The following BRAT1 variants were observed in gnomAD, a reference collection of about 807,000 sequenced individuals.
BRAT1 encodes BRCA1 associated ATM activator 1, also known as integrator complex assembly factor BRAT1.
BRAT1 carries 74 observed loss-of-function variants against 70.6 expected under a neutral mutation model. The ratio of observed to expected loss-of-function variants is 1.05; its 90% confidence interval spans 0.87 to 1.27. The LOEUF (loss-of-function observed/expected upper bound fraction) is 1.27, where lower values mean the gene tolerates loss of function less well. Among genes scored for constraint, BRAT1 ranks in the 50% most tolerant of loss-of-function variants. BRAT1 has a pLI of 0.00. For missense variants in BRAT1, 1,203 were observed against 1,098.2 expected (o/e 1.10, Z -1.35); for synonymous variants, 615 against 517.1 (o/e 1.19, Z -2.57).
intron 4 of BRAT1, 136 bp downstream of exon 4, chr7:2,544,773 G>A (rs1454043653): frequency 1.9e-5 from 25 of 1,339,382 alleles, no homozygotes; most frequent in Middle Eastern, 2.7e-4. Flanking sequence ...CTGGACAGCC[G>A]TACTGTCACA....
In BRAT1 at chr7:2,545,040, G is replaced by C; in HGVS notation, c.299C>G (p.Pro100Arg). The change falls in exon 4 of 14, where the codon CCA (proline) becomes CGA (arginine). Residue 100 changes from proline (P) to arginine (R), a missense_variant. Coordinates refer to ENST00000340611, the MANE Select transcript of BRAT1 (RefSeq NM_152743.4). ...GGGTCCTGGCTCCCCAAAGAGCCCT[G>C]GTAGTAACTCCCCCTGCTGGGAAGC... ...FQYLQQGELLPGLFGEPGPLG... is the reference protein window; with the variant it reads ...FQYLQQGELLRGLFGEPGPLG... 6.6e-7 allele frequency: 1 copy of C among 1,509,544 alleles called. No homozygotes were observed. Among genetic ancestry groups the C allele is most frequent in the South Asian group, 1.3e-5 (1 of 77,348 alleles). 93.5% of individuals were successfully genotyped at this position (1,509,544 alleles called of 1,614,324 possible).
Position 2,539,184 on chromosome 7 carries a change from G to T in BRAT1, c.1765C>A (p.Arg589=), listed in dbSNP as rs141490198. The stretch of plus-strand genomic sequence containing the variant: ...AGGAACCTGCCACCTCCTACCTGCC[G>T]GGCCTCTGCATGCTCAGGGCTGGTG... ...APTSPEHAEA[R]QSLFLELLHI... Residue 589 remains arginine, a synonymous_variant, in exon 13 of 14, where the codon CGG becomes AGG. Transcript: ENST00000340611. 3 of 1,597,588 alleles carry T rather than the reference G, an allele frequency of 1.9e-6. No individual in the cohort carries two copies. The highest frequency in any genetic ancestry group is 2.6e-6 in the Non-Finnish European group (3 of 1,170,292).
In BRAT1 at chr7:2,543,370, C is replaced by A; in HGVS notation, c.804-47G>T. 2 of 1,533,494 alleles carry A rather than the reference C, an allele frequency of 1.3e-6. No homozygotes were observed. Among genetic ancestry groups the A allele is most frequent in the Non-Finnish European group, 8.8e-7 (1 of 1,138,898 alleles). 95.0% of individuals were successfully genotyped at this position (1,533,494 alleles called of 1,614,324 possible). A position where few individuals can be genotyped will look rare whatever the true frequency, so the allele number is the denominator to read the frequency against. On this transcript the variant is annotated intron_variant, in intron 5 of 13. Coordinates refer to ENST00000340611, the MANE Select transcript of BRAT1 (RefSeq NM_152743.4). This position sits in a 1 kb window ranked among gnomAD's most constrained non-coding sequence, Gnocchi z 5.5. ...AAAAATTACTCCCCCACCCTCAAAA[C>A]CCCATTCGAGGCCTGGCTGAGACTG...
intron 3 of BRAT1, among the ~76,000 whole-genome samples, chr7:2,547,004 G>A (rs2164690): frequency 7.2e-4 from 38 of 53,092 alleles, no homozygotes; most frequent in African/African-American, 3.4e-3. Flanking sequence ...CGGCGCAGCT[G>A]CGACTCCTGT....
intron 6 of BRAT1, 189 bp from the exon 7 acceptor site, chr7:2,542,400 G>C (rs1779245974): frequency 1.6e-6 from 1 of 610,448 alleles, no homozygotes. Flanking sequence ...GCCTGACCAA[G>C]GAGATGGGCC....
Position 2,542,163 on chromosome 7 carries a change from C to G in BRAT1, c.972G>C (p.Leu324=). The G allele has an allele frequency of 6.4e-7, 1 of 1,573,058 alleles. No individual in the cohort carries two copies. Among genetic ancestry groups the G allele is most frequent in the East Asian group, 2.3e-5 (1 of 42,876 alleles). Residue 324 remains leucine (L), a synonymous_variant, in exon 7 of 14, where the codon CTG becomes CTC. Coordinates refer to ENST00000340611, the MANE Select transcript of BRAT1 (RefSeq NM_152743.4). ...TQAFQVLLQP[L]ACVLKATVQA... ...GAACCGTGGCCTTCAGGACACAGGC[C>G]AGGGGCTGGAGAAGGACCTGGAAGG... is the stretch of plus-strand genomic sequence containing the variant.
In BRAT1 at chr7:2,543,995, G is replaced by A. The variant is rs763374819; in HGVS notation, c.431-33C>T. On this transcript the variant is annotated intron_variant, in intron 4 of 13. Transcript: ENST00000340611. The surrounding 1 kb of genome is among the most constrained non-coding windows in gnomAD (Gnocchi z 5.5). ...GGGGATGGGGGAAGAGAGGGAAAAG[G>A]GGGTGAGCCAGAATAGAGCTGGGGG... 1 of 1,521,086 alleles carries A rather than the reference G, an allele frequency of 6.6e-7. No homozygotes were observed. The highest frequency in any genetic ancestry group is 2.3e-5 in the East Asian group (1 of 42,554). The allele number at this position is 1,521,086 out of a possible 1,614,324, so 94.2% of individuals were successfully genotyped here.
At chr7:2,542,833 G>GC (rs1434280561) in intron 6 of BRAT1, 2 of 175,082 alleles carry the variant, frequency 1.1e-5, no homozygotes, top group Non-Finnish European at 2.5e-5. Context: ...CCGCCCCCAG[G>GC]CCCCCCACCC....
rs114267478 is a variant in BRAT1 at position 2,539,500 on chromosome 7, C to G, written c.1597+44G>C. ...CTGGTGCACCCTGGCTCAGTGAGCC[C>G]CCCACAGGCGGGGAAGGCAGCCCCT... On this transcript the variant is annotated intron_variant, in intron 12 of 13. Coordinates refer to ENST00000340611, the MANE Select transcript of BRAT1 (RefSeq NM_152743.4). The G allele has an allele frequency of 2.1e-4, 317 of 1,522,602 alleles. 2 individuals are homozygous for G. The African/African-American group carries it at 3.8e-3, about 18-fold the overall frequency. The allele number at this position is 1,522,602 out of a possible 1,614,324, so 94.3% of individuals were successfully genotyped here.
In BRAT1 at chr7:2,544,197, G is replaced by GTTTTTT. The variant is rs201500695; in HGVS notation, c.431-236_431-235insAAAAAA. On this transcript the variant is annotated intron_variant, in intron 4 of 13. Coordinates refer to ENST00000340611, the MANE Select transcript of BRAT1 (RefSeq NM_152743.4). Reference sequence around the variant, plus strand: ...GATGCTTCCCAATTCGTTCCTTCTTGTTGTTTTTTTTTTTTTTTTTTTTGA... The same window carrying GTTTTTT: ...GATGCTTCCCAATTCGTTCCTTCTTGTTTTTTTTGTTTTTTTTTTTTTTTTTTTTGA... 8.9e-4 allele frequency: 108 copies of GTTTTTT among 121,184 alleles called. 1 individual carries two copies. The highest frequency in any genetic ancestry group is 2.0e-3 in the Middle Eastern group (1 of 500). The allele number at this position is 121,184 out of a possible 1,614,324, so 7.5% of individuals were successfully genotyped here.
In BRAT1 at chr7:2,543,435, C is replaced by G. The variant is rs1779338347; in HGVS notation, c.804-112G>C. ...CTGGAGGCGCCCAGCCCAAGACAGG[C>G]CTTTCCCCATGAGGGTTCCAGGGTC... On this transcript the variant is annotated intron_variant, in intron 5 of 13. Transcript: ENST00000340611. The surrounding 1 kb of genome is among the most constrained non-coding windows in gnomAD (Gnocchi z 5.5). 1 of 1,484,538 alleles carries G rather than the reference C, an allele frequency of 6.7e-7. No homozygotes were observed. The highest frequency in any genetic ancestry group is 8.9e-7 in the Non-Finnish European group (1 of 1,120,060). The allele number at this position is 1,484,538 out of a possible 1,614,324, so 92.0% of individuals were successfully genotyped here.
chr7:2,541,517 G>A lies in BRAT1; in HGVS notation c.1135-33C>T, dbSNP rs200404455. The A allele has an allele frequency of 1.3e-5, 20 of 1,512,618 alleles. No homozygotes were observed. The East Asian group carries it at 1.5e-4, about 11-fold the overall frequency. 93.7% of individuals were successfully genotyped at this position (1,512,618 alleles called of 1,614,324 possible). A position where few individuals can be genotyped will look rare whatever the true frequency, so the allele number is the denominator to read the frequency against. ...GAAGAGGGCCGTCAGCCAAGGTTGC[G>A]GTCCCACTGCCGGCGTGGATGCAGG... On this transcript the variant is annotated intron_variant, in intron 8 of 13. Transcript: ENST00000340611.
In BRAT1 at chr7:2,543,333, G is replaced by A. The variant is rs1310651254; in HGVS notation, c.804-10C>T. On this transcript the variant is annotated splice_polypyrimidine_tract_variant and intron_variant, in intron 5 of 13. Coordinates refer to ENST00000340611, the MANE Select transcript of BRAT1 (RefSeq NM_152743.4). The surrounding 1 kb of genome is among the most constrained non-coding windows in gnomAD (Gnocchi z 5.5). ...ACTGAACACGGGAGAACTGCAGGGA[G>A]ACCCCAGAGAGAAAAATTACTCCCC... 1.3e-6 allele frequency: 2 copies of A among 1,573,520 alleles called. No homozygotes were observed. Among genetic ancestry groups the A allele is most frequent in the South Asian group, 1.2e-5 (1 of 86,742 alleles).
chr7:2,539,333 C>G lies in BRAT1; in HGVS notation c.1616G>C (p.Cys539Ser). 1 of 1,609,446 alleles carries G rather than the reference C, an allele frequency of 6.2e-7. No individual in the cohort carries two copies. The change falls in exon 13 of 14, where the codon TGC becomes TCC. Residue 539 changes from cysteine to serine, a missense_variant. Cys to Ser is a moderately radical substitution (Grantham distance 112). Transcript: ENST00000340611. The stretch of plus-strand genomic sequence containing the variant: ...AGGCACCTCTGAAGCCAAGAGTGCG[C>G]ATCTGAAGTCAGCCTGTCCTGGGGG... ...RHWGGQADFR[C>S]ALLASEVPQL...
At chr7:2,539,373 T>A in intron 12 of BRAT1, 22 bp from the exon 13 acceptor site, 1 of 1,589,852 alleles carries the variant, frequency 6.3e-7, no homozygotes, top group Non-Finnish European at 8.6e-7. Context: ...AACGGCCACA[T>A]GCAGCTGTGA....
In BRAT1 at chr7:2,538,454, G is replaced by C; in HGVS notation, c.2081C>G (p.Ala694Gly). Reference protein sequence around the residue: ...PAQPLTEALRALCHVGLFDFA... With the variant: ...PAQPLTEALRGLCHVGLFDFA... ...GTCAAAGAGCCCCACGTGGCAGAGA[G>C]CCCTCAGTGCCTCGGTGAGTGGCTG... Residue 694 changes from alanine to glycine, a missense_variant, in exon 14 of 14, where the codon GCT (alanine) becomes GGT (glycine). Coordinates refer to ENST00000340611, the MANE Select transcript of BRAT1 (RefSeq NM_152743.4). The C allele has an allele frequency of 1.9e-6, 3 of 1,613,038 alleles. No homozygotes were observed. The highest frequency in any genetic ancestry group is 2.5e-6 in the Non-Finnish European group (3 of 1,179,948).
In BRAT1 at chr7:2,543,304, AAGAACTGAACACGGG is replaced by A; in HGVS notation, c.808_822del (p.Pro270_Ser274del). 4.4e-6 allele frequency: 7 copies of A among 1,607,630 alleles called. No homozygotes were observed. The highest frequency in any genetic ancestry group is 5.9e-6 in the Non-Finnish European group (7 of 1,176,788). ...ACTGTCTCCCACAGGCTGCCGTCGG[AAGAACTGAACACGGG>A]AGAACTGCAGGGAGACCCCAGAGAG... is the stretch of plus-strand genomic sequence containing the variant. On this transcript the variant is annotated inframe_deletion, in exon 6 of 14. Transcript: ENST00000340611. The surrounding 1 kb of genome is among the most constrained non-coding windows in gnomAD (Gnocchi z 5.5).
At chr7:2,552,106 A>ATATATATATATATATAT (rs1245262304) in intron 2 of BRAT1, among the ~76,000 whole-genome samples, 3 of 14,216 alleles carry the variant, frequency 2.1e-4, no homozygotes, top group Non-Finnish European at 4.1e-4. Flanking sequence ...ATATATATAT[A>ATATATATATATATATAT]TTTTTTTTTT....
chr7:2,546,718 G>C (rs1779633403), intron 3 of BRAT1, among the ~76,000 whole-genome samples: 3 of 152,114 alleles, frequency 2.0e-5, no homozygotes, highest in Non-Finnish European at 4.4e-5. Context: ...CTGGGTGACA[G>C]AGCAAGACTC....
Sources: gnomAD v4.1 joint callset for allele counts (sites outside exome capture counted in the v4.1 genomes callset) on GRCh38, gnomAD v4.1.1 for gene constraint, Gnocchi (gnomAD v3.1) non-coding constraint, MANE v1.5 for transcripts, NCBI Gene and HGNC (gene_info 2026-07-23, HGNC 2026-07-21) for gene names.